The following PDE11A variants were observed in gnomAD, a reference collection of about 807,000 sequenced individuals.
The protein encoded by PDE11A is dual 3',5'-cyclic-AMP and -GMP phosphodiesterase 11A.
In PDE11A, 100 loss-of-function variants were observed where a neutral mutation model predicts 100.5. The observed-to-expected ratio is 1.00, with a 90% CI of 0.85 to 1.18. PDE11A has a LOEUF of 1.18. Among genes scored for constraint, PDE11A ranks in the 50% most tolerant of loss-of-function variants. The pLI is 0.00. For synonymous variants in PDE11A, 381 were observed against 420.8 expected (o/e 0.91, Z 1.16); for missense variants, 1,141 against 1,152.6 (o/e 0.99, Z 0.15).
intron 16 of PDE11A, among the ~76,000 whole-genome samples, chr2:177,677,321 C>T (rs2080791250): frequency 6.6e-6 from 1 of 152,112 alleles, no homozygotes. Context: ...AAATAAGGCT[C>T]AGAAACGTTA....
intron 2 of PDE11A, among the ~76,000 whole-genome samples, chr2:178,091,760 T>C (rs1559069036): frequency 8.2e-6 from 1 of 121,414 alleles, no homozygotes; most frequent in Non-Finnish European, 1.8e-5. Context: ...ATGCGTCTCT[T>C]ATATTTGCTG....
chr2:177,771,175 G>C (rs1399958320), intron 9 of PDE11A, among the ~76,000 whole-genome samples: 5 of 152,176 alleles, frequency 3.3e-5, no homozygotes, highest in African/African-American at 1.2e-4. Context: ...TCTGGGAAAT[G>C]CTAACTCCTT....
At chr2:177,935,652 T>C (rs2695738) in intron 2 of PDE11A, among the ~76,000 whole-genome samples, 53,106 of 151,848 alleles carry the variant, frequency 0.35, 11,052 homozygotes, top group East Asian at 0.53. Flanking sequence ...CTGAGATCCT[T>C]GGGGGAAGGA....
intron 6 of PDE11A, among the ~76,000 whole-genome samples, chr2:177,828,352 T>G (rs2083258936): frequency 6.6e-6 from 1 of 152,122 alleles, no homozygotes; most frequent in Non-Finnish European, 1.5e-5. Context: ...TTGAACAATA[T>G]TCAACAAGAA....
At chr2:177,728,675 A>C (rs1337607306) in intron 10 of PDE11A, among the ~76,000 whole-genome samples, 13 of 152,174 alleles carry the variant, frequency 8.5e-5, no homozygotes, top group Admixed American at 8.5e-4. Flanking sequence ...ATTCAGAATG[A>C]TCGAAAGGAT....
chr2:177,853,562 A>C (rs1158131222), intron 5 of PDE11A, among the ~76,000 whole-genome samples: 1 of 142,400 alleles, frequency 7.0e-6, no homozygotes, highest in Non-Finnish European at 1.5e-5. Flanking sequence ...GCCCCACAAT[A>C]TCTCTCTGTG....
chr2:177,701,311 T>C (rs1307466374), intron 13 of PDE11A, 100 bp from the exon 14 acceptor site: 2 of 733,376 alleles, frequency 2.7e-6, no homozygotes, highest in South Asian at 1.5e-5. Flanking sequence ...CAAAGGACCA[T>C]GAGCAGACAC....
intron 13 of PDE11A, among the ~76,000 whole-genome samples, chr2:177,708,949 G>A (rs542493830): frequency 4.9e-4 from 75 of 152,322 alleles, no homozygotes; most frequent in African/African-American, 1.7e-3. Flanking sequence ...ATAGAAACAC[G>A]AAGGTGATGC....
At chr2:177,782,580 A>T (rs1248015423) in intron 9 of PDE11A, among the ~76,000 whole-genome samples, 1 of 152,124 alleles carries the variant, frequency 6.6e-6, no homozygotes, top group Non-Finnish European at 1.5e-5. Context: ...TTATATTCTC[A>T]TCTTGGCCTT....
chr2:177,801,410 A>G (rs73034255), intron 9 of PDE11A, among the ~76,000 whole-genome samples: 14,706 of 152,216 alleles, frequency 0.097, 745 homozygotes, highest in Middle Eastern at 0.14. Context: ...CAAAAAGTAG[A>G]AGCTCAACAA....
intron 2 of PDE11A, among the ~76,000 whole-genome samples, chr2:177,949,398 C>T (rs2085480058): frequency 6.6e-6 from 1 of 152,152 alleles, no homozygotes; most frequent in African/African-American, 2.4e-5. Flanking sequence ...GATAGCCCTC[C>T]ATCCAGAGAT....
intron 4 of PDE11A, among the ~76,000 whole-genome samples, chr2:177,877,536 A>T (rs1291154721): frequency 6.6e-6 from 1 of 152,082 alleles, no homozygotes. Context: ...AACAGATGGA[A>T]AGTCTGTCTG....
intron 6 of PDE11A, among the ~76,000 whole-genome samples, chr2:177,825,051 A>G (rs2083206137): frequency 6.6e-6 from 1 of 152,212 alleles, no homozygotes; most frequent in Non-Finnish European, 1.5e-5. Flanking sequence ...GGGGAGCAGC[A>G]GTGTCCAATG....
rs55861102 is a variant in PDE11A, at chr2:177,795,935, C to CTATATATATATA, written c.1737+20882_1737+20893dup. On this transcript the variant is annotated intron_variant, in intron 9 of 19. Coordinates refer to ENST00000286063, the MANE Select transcript of PDE11A (RefSeq NM_016953.4). ...AATTATTACTATTATTTTGTTTAAA[C>CTATATATATATA]TATATATATATATATATATATATAT... Among the ~76,000 whole-genome samples, 668 of 67,106 alleles carry CTATATATATATA rather than the reference C, an allele frequency of 1.0e-2. 24 individuals carry two copies. Among genetic ancestry groups the CTATATATATATA allele is most frequent in the Non-Finnish European group, 0.016 (433 of 27,538 alleles). The allele number at this position is 67,106 out of a possible 152,430, so 44.0% of individuals were successfully genotyped here.
chr2:177,837,862 G>A (rs1236793636), intron 6 of PDE11A, among the ~76,000 whole-genome samples: 1 of 152,180 alleles, frequency 6.6e-6, no homozygotes, highest in Non-Finnish European at 1.5e-5. Context: ...CTAAAGTCAG[G>A]TAATACGGGA....
intron 2 of PDE11A, among the ~76,000 whole-genome samples, chr2:177,970,350 T>C (rs1487759469): frequency 6.6e-6 from 1 of 152,088 alleles, no homozygotes; most frequent in African/African-American, 2.4e-5. Context: ...TAAACTCTCA[T>C]TTTTAAAGGT....
Position 177,771,872 on chromosome 2 carries a change from G to C in PDE11A, c.1738-2499C>G, listed in dbSNP as rs537266978. Reference sequence around the variant, plus strand: ...GAAAAATTAGCTGGGCATGATGATGGGTGCCTGTAATCCCAGCTACTTGGG... The same window carrying C: ...GAAAAATTAGCTGGGCATGATGATGCGTGCCTGTAATCCCAGCTACTTGGG... On this transcript the variant is annotated intron_variant, in intron 9 of 19. Transcript: ENST00000286063. 2.6e-5 allele frequency among the ~76,000 whole-genome samples: 4 copies of C among 151,988 alleles called. No individual in the cohort carries two copies. In the East Asian group the frequency reaches 7.8e-4, roughly 29 times the overall value.
chr2:177,939,621 A>G (rs181716545), intron 2 of PDE11A, among the ~76,000 whole-genome samples: 8 of 152,322 alleles, frequency 5.3e-5, no homozygotes, highest in African/African-American at 1.9e-4. Context: ...AGATCCAACT[A>G]CCAATTTACA....
At chr2:177,945,389 A>G (rs1239155564) in intron 2 of PDE11A, among the ~76,000 whole-genome samples, 3 of 129,292 alleles carry the variant, frequency 2.3e-5, no homozygotes, top group Admixed American at 7.7e-5. Context: ...GCCTCTTCCC[A>G]GCCGCCATCA....
Sources: allele counts gnomAD v4.1 joint callset (sites outside exome capture counted in the v4.1 genomes callset), GRCh38; gene constraint gnomAD v4.1.1; transcripts MANE v1.5; gene names NCBI Gene and HGNC (gene_info 2026-07-23, HGNC 2026-07-21).